Variants in ANXA2 observed in about 807,000 individuals in gnomAD.
The protein encoded by ANXA2 is annexin II.
Under a neutral mutation model 47.3 loss-of-function variants are expected in ANXA2, and 28 were observed. The observed-to-expected ratio is 0.59, with a 90% confidence interval of 0.44 to 0.81. ANXA2 has a LOEUF of 0.81. Ranked by LOEUF, ANXA2 falls within the 40% of genes least tolerant of loss-of-function variation. The pLI, the probability that ANXA2 is intolerant of heterozygous loss-of-function variation, is 0.00. For missense variants in ANXA2, 384 were observed against 414.3 expected (o/e 0.93, Z 0.64); for synonymous variants, 172 against 155.5 (o/e 1.11, Z -0.79).
intron 1 of ANXA2, among the ~76,000 whole-genome samples, chr15:60,394,971 C>T (rs990635183): frequency 6.6e-6 from 1 of 151,758 alleles, no homozygotes; most frequent in South Asian, 2.1e-4. Flanking sequence ...GGCACCAGGG[C>T]AAGTGAAGAG....
chr15:60,353,964 C>T (rs1313547875), intron 8 of ANXA2, among the ~76,000 whole-genome samples, 190 bp downstream of exon 8: 4 of 152,190 alleles, frequency 2.6e-5, no homozygotes, highest in Admixed American at 2.6e-4. Flanking sequence ...TCAGAAAAGA[C>T]CCTGAGCCAG....
chr15:60,377,493 A>G (rs56056013), intron 3 of ANXA2, among the ~76,000 whole-genome samples: 8,843 of 152,312 alleles, frequency 0.058, 568 homozygotes, highest in African/African-American at 0.16. Flanking sequence ...GTTCCAGACC[A>G]TCACAATAAA....
chr15:60,359,658 C>T (rs901178535), intron 5 of ANXA2, among the ~76,000 whole-genome samples: 4 of 152,156 alleles, frequency 2.6e-5, no homozygotes, highest in Admixed American at 6.5e-5. Flanking sequence ...GCCCAGTGTC[C>T]GAAGCACCCT....
rs556619255 is a variant in ANXA2 at position 60,361,825 on chromosome 15, G to A, written c.244-771C>T. On this transcript the variant is annotated intron_variant, in intron 4 of 12. Transcript: ENST00000451270. The stretch of plus-strand genomic sequence containing the variant: ...ACACCCCAACTCAATGTGTCTTTTA[G>A]CGATGCTTCCTCGAGCTAAACTTCC... Among the ~76,000 whole-genome samples the A allele has an allele frequency of 4.6e-5, 7 of 152,114 alleles. No individual in the cohort carries two copies. The East Asian group carries it at 1.4e-3, about 29-fold the overall frequency.
chr15:60,396,776 C>A (rs1347380600), intron 1 of ANXA2, among the ~76,000 whole-genome samples: 2 of 152,212 alleles, frequency 1.3e-5, no homozygotes, highest in Admixed American at 6.5e-5. Context: ...TCAGTACAGT[C>A]TGGGGCCCAG....
chr15:60,364,259 C>A (rs2062559760), intron 4 of ANXA2, among the ~76,000 whole-genome samples, 170 bp downstream of exon 4: 1 of 152,230 alleles, frequency 6.6e-6, no homozygotes, highest in Non-Finnish European at 1.5e-5. Context: ...CACACACGCA[C>A]ACACACATGT....
chr15:60,348,418 C>T (rs1013048393), intron 12 of ANXA2, among the ~76,000 whole-genome samples: 1 of 152,050 alleles, frequency 6.6e-6, no homozygotes, highest in African/African-American at 2.4e-5. Context: ...TAGGCCTATC[C>T]CAGAGGATTT....
chr15:60,397,571 C>T (rs549460542), intron 1 of ANXA2, among the ~76,000 whole-genome samples: 11 of 152,142 alleles, frequency 7.2e-5, no homozygotes, highest in Admixed American at 5.2e-4. Flanking sequence ...CTGCGGCTCC[C>T]TGGGCGGCCA....
rs1895914674 is a variant in ANXA2, at chr15:60,349,853, T to TGAAGGCAGGGAGGCAGGG, written c.838-674_838-657dup. Among the ~76,000 whole-genome samples the TGAAGGCAGGGAGGCAGGG allele has an allele frequency of 1.8e-4, 7 of 39,390 alleles. 2 individuals carry two copies. The highest frequency in any genetic ancestry group is 2.6e-4 in the Non-Finnish European group (5 of 19,212). The allele number at this position is 39,390 out of a possible 152,430, so 25.8% of individuals were successfully genotyped here. ...GGGAGGGGAAGGAAAGGGAGGGAGG[T>TGAAGGCAGGGAGGCAGGG]GAAGGCAGGGAGGCAGGGGAAGGCA... On this transcript the variant is annotated intron_variant, in intron 11 of 12. Coordinates refer to ENST00000451270, the MANE Select transcript of ANXA2 (RefSeq NM_004039.3).
At chr15:60,362,841 G>A (rs1476811914) in intron 4 of ANXA2, 2 of 151,932 alleles carry the variant, frequency 1.3e-5, no homozygotes, top group Non-Finnish European at 2.9e-5. Context: ...TAGAGGGTAT[G>A]TGGGAGCTTT....
rs116612319 is a variant in ANXA2, at chr15:60,374,802, G to C, written c.148+7540C>G. 1.9e-3 allele frequency: 818 copies of C among 423,168 alleles called. 3 individuals carry two copies. Among genetic ancestry groups the C allele is most frequent in the African/African-American group, 0.016 (757 of 48,438 alleles). The allele number at this position is 423,168 out of a possible 1,614,324, so 26.2% of individuals were successfully genotyped here. ...AGCACTGCTGTAAGATGAGAAGTCA[G>C]TCTAAAGTAAACTTGAACACAGAGA... On this transcript the variant is annotated intron_variant, in intron 3 of 12. Transcript: ENST00000451270.
Position 60,361,020 on chromosome 15 carries a change from C to G in ANXA2, c.278G>C (p.Gly93Ala). The G allele has an allele frequency of 6.2e-7, 1 of 1,613,210 alleles. No individual in the cohort carries two copies. Residue 93 changes from glycine (G) to alanine (A), a missense_variant, in exon 5 of 13, where the codon GGC (glycine) becomes GCC (alanine). By Grantham distance (60) the Gly-to-Ala change is moderately conservative (BLOSUM62 0). Transcript: ENST00000451270. ...GCCCAAAATCACCGTCTCCAGGTGG[C>G]CAGATAAGGCTGACTTCAGTGCTGA... is the stretch of plus-strand genomic sequence containing the variant. ...LASALKSALS[G>A]HLETVILGLL...
chr15:60,347,781 C>T, intron 12 of ANXA2, 92 bp from the exon 13 acceptor site: 1 of 1,135,664 alleles, frequency 8.8e-7, no homozygotes, highest in Non-Finnish European at 1.3e-6. Flanking sequence ...CACAATGAAG[C>T]TTCTCCCATG....
intron 1 of ANXA2, 136 bp downstream of exon 1, chr15:60,397,807 C>G (rs543064822): frequency 6.0e-6 from 8 of 1,340,272 alleles, no homozygotes; most frequent in Non-Finnish European, 7.7e-6. Context: ...CCGGCCGTCC[C>G]TTCAGCCCCC....
intron 7 of ANXA2, among the ~76,000 whole-genome samples, chr15:60,354,764 C>T (rs1218249588): frequency 6.6e-6 from 1 of 152,112 alleles, no homozygotes; most frequent in Admixed American, 6.5e-5. Context: ...TCCTGGCCTA[C>T]ACACCTTACA....
chr15:60,371,218 G>A (rs1443341668), intron 3 of ANXA2, among the ~76,000 whole-genome samples: 1 of 152,134 alleles, frequency 6.6e-6, no homozygotes, highest in Non-Finnish European at 1.5e-5. Flanking sequence ...TGGATCGTGG[G>A]CACCCCCAGA....
chr15:60,383,155 C>G (rs1435233658), intron 2 of ANXA2: 1 of 152,746 alleles, frequency 6.5e-6, no homozygotes, highest in Non-Finnish European at 1.5e-5. Context: ...TAGGTAGGGT[C>G]TCACTCTGTT....
rs1025606868 is a variant in ANXA2, at chr15:60,375,465, C to A, written c.148+6877G>T. 1.6e-4 allele frequency among the ~76,000 whole-genome samples: 25 copies of A among 152,306 alleles called. 1 individual carries two copies. Among genetic ancestry groups the A allele is most frequent in the African/African-American group, 4.8e-4 (20 of 41,562 alleles). ...TTTCTAATTTAGCTGACTCTCCTTT[C>A]TAGTTATTTGGACCCATATGGTAAA... On this transcript the variant is annotated intron_variant, in intron 3 of 12. Transcript: ENST00000451270.
intron 3 of ANXA2, among the ~76,000 whole-genome samples, chr15:60,376,663 C>G (rs1239279146): frequency 6.6e-6 from 1 of 152,190 alleles, no homozygotes; most frequent in Non-Finnish European, 1.5e-5. Flanking sequence ...TTAGCTCACA[C>G]CAAGAAGAGC....
Sources: gnomAD v4.1 joint callset for allele counts (sites outside exome capture counted in the v4.1 genomes callset) on GRCh38, gnomAD v4.1.1 for gene constraint, MANE v1.5 for transcripts, NCBI Gene and HGNC (gene_info 2026-07-23, HGNC 2026-07-21) for gene names.